The following AMPH variants were observed in gnomAD, a reference collection of about 807,000 sequenced individuals.
The protein encoded by AMPH is amphiphysin (Stiff-Mann syndrome with breast cancer 128kD autoantigen).
In AMPH, 49 loss-of-function variants were observed where a neutral mutation model predicts 99.1. That is an observed-to-expected ratio of 0.49 (90% confidence interval 0.39 to 0.63). The LOEUF (loss-of-function observed/expected upper bound fraction) is 0.63. Ranked by LOEUF, AMPH falls within the 20% of genes least tolerant of loss-of-function variation. The pLI is 0.00. For missense variants in AMPH, 759 were observed against 863.4 expected (o/e 0.88, Z 1.52); for synonymous variants, 314 against 317.3 (o/e 0.99, Z 0.11).
intron 1 of AMPH, among the ~76,000 whole-genome samples, chr7:38,563,550 A>C (rs1437823835): frequency 6.6e-6 from 1 of 152,232 alleles, no homozygotes; most frequent in African/African-American, 2.4e-5. Context: ...CCAGGATCTG[A>C]ATAGCTGTGA....
intron 1 of AMPH, among the ~76,000 whole-genome samples, chr7:38,597,597 C>T (rs1464621889): frequency 6.6e-6 from 1 of 152,018 alleles, no homozygotes; most frequent in Non-Finnish European, 1.5e-5. Context: ...TTTTTTTCCA[C>T]AATGAAAATA....
intron 1 of AMPH, among the ~76,000 whole-genome samples, chr7:38,612,185 T>C (rs1305874186): frequency 6.7e-6 from 1 of 149,332 alleles, no homozygotes; most frequent in Non-Finnish European, 1.5e-5. Flanking sequence ...CAAGTGATTC[T>C]CCTGCCTCAG....
chr7:38,621,405 T>C (rs990906875), intron 1 of AMPH, among the ~76,000 whole-genome samples: 1 of 152,218 alleles, frequency 6.6e-6, no homozygotes, highest in Admixed American at 6.5e-5. Context: ...CTCTAGAAAG[T>C]GCCTTCCACA....
At chr7:38,511,970 T>C (rs1252789306) in intron 2 of AMPH, among the ~76,000 whole-genome samples, 2 of 152,212 alleles carry the variant, frequency 1.3e-5, no homozygotes, top group Non-Finnish European at 2.9e-5. Context: ...ACAAGTCAAA[T>C]GTGTGACTTG....
intron 1 of AMPH, among the ~76,000 whole-genome samples, chr7:38,581,218 G>C (rs1172456574): frequency 1.3e-5 from 2 of 152,094 alleles, no homozygotes; most frequent in Admixed American, 1.3e-4. Flanking sequence ...GCAAAAAAAA[G>C]TGCCAGGGAG....
At position 38,491,238 on chromosome 7, in the gene AMPH, G is replaced by C. The variant is rs900328433; in HGVS notation, c.301-93C>G. On this transcript the variant is annotated intron_variant, in intron 4 of 20. Transcript: ENST00000356264. Reference sequence around the variant, plus strand: ...AATCTGAAACTATAAAATTAGACAAGTAATACTTTCCCAGATATGAGATGC... The same window carrying C: ...AATCTGAAACTATAAAATTAGACAACTAATACTTTCCCAGATATGAGATGC... 8 of 831,024 alleles carry C rather than the reference G, an allele frequency of 9.6e-6. No individual in the cohort carries two copies. In the African/African-American group the frequency reaches 1.2e-4, roughly 13 times the overall value. 51.5% of individuals were successfully genotyped at this position (831,024 alleles called of 1,614,324 possible). A position where few individuals can be genotyped will look rare whatever the true frequency, so the allele number is the denominator to read the frequency against.
intron 15 of AMPH, 113 bp from the exon 16 acceptor site, chr7:38,422,590 C>T: frequency 2.6e-6 from 2 of 774,038 alleles, no homozygotes; most frequent in South Asian, 3.4e-5. Flanking sequence ...ATCTATCTAT[C>T]TATCTATCTA....
In AMPH at chr7:38,535,052, T is replaced by C. The variant is rs764916575; in HGVS notation, c.70-41A>G. Reference sequence around the variant, plus strand: ...AACAAAATGGTTTAATTTAATAATGTTTTCAAAGAAAGATGTGCATTTTCT... The same window carrying C: ...AACAAAATGGTTTAATTTAATAATGCTTTCAAAGAAAGATGTGCATTTTCT... On this transcript the variant is annotated intron_variant, in intron 1 of 20. Coordinates refer to ENST00000356264, the MANE Select transcript of AMPH (RefSeq NM_001635.4). The C allele has an allele frequency of 2.4e-5, 38 of 1,561,086 alleles. No homozygotes were observed. The East Asian group carries it at 8.3e-4, about 34-fold the overall frequency.
At chr7:38,423,446 G>A (rs530953883) in intron 15 of AMPH, among the ~76,000 whole-genome samples, 3 of 152,188 alleles carry the variant, frequency 2.0e-5, no homozygotes, top group South Asian at 2.1e-4. Flanking sequence ...GATGCCTAAC[G>A]GAAAAGATGA....
chr7:38,580,155 T>C (rs1792392561), intron 1 of AMPH, among the ~76,000 whole-genome samples: 1 of 152,206 alleles, frequency 6.6e-6, no homozygotes. Context: ...ATAAGACTTT[T>C]CTACTTACTT....
At chr7:38,449,402 A>G (rs1374649213) in intron 11 of AMPH, among the ~76,000 whole-genome samples, 1 of 152,204 alleles carries the variant, frequency 6.6e-6, no homozygotes, top group African/African-American at 2.4e-5. Context: ...AGGACTAATG[A>G]CATGTAAATC....
chr7:38,583,005 C>G (rs6965154), intron 1 of AMPH, among the ~76,000 whole-genome samples: 9,707 of 152,172 alleles, frequency 0.064, 358 homozygotes, highest in East Asian at 0.11. Flanking sequence ...ACATAAGAGT[C>G]AACAATGTAT....
chr7:38,462,847 A>G (rs1313780969), intron 10 of AMPH, 128 bp downstream of exon 10: 1 of 1,031,810 alleles, frequency 9.7e-7, no homozygotes, highest in East Asian at 2.6e-5. Context: ...CAATGCCTAA[A>G]GCCTCACATC....
rs573582312 is a variant in AMPH at position 38,563,497 on chromosome 7, C to T, written c.70-28486G>A. ...AGTAACTTTCCAAAAGTCATACAAC[C>T]AAAAAGTACTATAATTGGGTTTTGA... On this transcript the variant is annotated intron_variant, in intron 1 of 20. Coordinates refer to ENST00000356264, the MANE Select transcript of AMPH (RefSeq NM_001635.4). Among the ~76,000 whole-genome samples the T allele has an allele frequency of 1.1e-4, 17 of 152,188 alleles. No individual in the cohort carries two copies. In the South Asian group the frequency reaches 3.5e-3, roughly 32 times the overall value.
chr7:38,511,532 C>T (rs573056936), intron 2 of AMPH, among the ~76,000 whole-genome samples: 7 of 151,978 alleles, frequency 4.6e-5, no homozygotes, highest in African/African-American at 9.6e-5. Context: ...GAAAAATCAA[C>T]GGAATATGAT....
At chr7:38,384,946 T>C in intron 20 of AMPH, 21 bp from the exon 21 acceptor site, 1 of 1,606,556 alleles carries the variant, frequency 6.2e-7, no homozygotes, top group Non-Finnish European at 8.5e-7. Flanking sequence ...ATGACAGAAC[T>C]TTCAGGGTCC....
intron 1 of AMPH, among the ~76,000 whole-genome samples, chr7:38,575,056 A>G (rs867648870): frequency 0.021 from 2,623 of 126,732 alleles, 117 homozygotes; most frequent in Admixed American, 0.12. Flanking sequence ...CTGTCTAAAA[A>G]AAAAAAAAAA....
chr7:38,449,582 A>G (rs1283271303), intron 11 of AMPH, among the ~76,000 whole-genome samples: 1 of 152,212 alleles, frequency 6.6e-6, no homozygotes, highest in Admixed American at 6.5e-5. Context: ...TTTTCAGAAT[A>G]CCAGATGATA....
intron 1 of AMPH, among the ~76,000 whole-genome samples, chr7:38,539,025 G>T (rs1790715232): frequency 6.6e-6 from 1 of 152,158 alleles, no homozygotes; most frequent in Non-Finnish European, 1.5e-5. Flanking sequence ...AAAATATGAG[G>T]TTCAGAAAGA....
Sources: gnomAD v4.1 joint callset for allele counts (sites outside exome capture counted in the v4.1 genomes callset) on GRCh38, gnomAD v4.1.1 for gene constraint, MANE v1.5 for transcripts, NCBI Gene and HGNC (gene_info 2026-07-23, HGNC 2026-07-21) for gene names.